Variants in XCR1 observed in about 807,000 individuals in gnomAD.
The protein encoded by XCR1 is X-C motif chemokine receptor 1, also known as chemokine XC receptor 1.
For missense variants in XCR1, 356 were observed against 424.2 expected (o/e 0.84, Z 1.41); for synonymous variants, 187 against 188.5 (o/e 0.99, Z 0.06).
chr3:46,026,930 C>T (rs1280142994), intron 1 of XCR1, among the ~76,000 whole-genome samples: 1 of 150,262 alleles, frequency 6.7e-6, no homozygotes, highest in Non-Finnish European at 1.5e-5. Context: ...CTCGCCCTAT[C>T]ACCCATGCTG....
At chr3:46,081,907 C>T (rs946789734) in intron 1 of XCR1, among the ~76,000 whole-genome samples, 2 of 151,940 alleles carry the variant, frequency 1.3e-5, no homozygotes, top group East Asian at 3.8e-4. Flanking sequence ...TCTTTATGTT[C>T]GTGTGTACCC....
chr3:46,058,086 G>T (rs1352461560), intron 4 of XCR1, among the ~76,000 whole-genome samples: 2 of 152,116 alleles, frequency 1.3e-5, no homozygotes, highest in Non-Finnish European at 2.9e-5. Flanking sequence ...AATGGAAGTG[G>T]TTCTAAAAGA....
At chr3:46,069,475 G>C (rs1559494019) in intron 3 of XCR1, among the ~76,000 whole-genome samples, 1 of 152,092 alleles carries the variant, frequency 6.6e-6, no homozygotes, top group Non-Finnish European at 1.5e-5. Flanking sequence ...CCCTTGTACG[G>C]GGGGGTTAGA....
At chr3:46,023,999 C>T in intron 1 of XCR1, 1 of 1,396,648 alleles carries the variant, frequency 7.2e-7, no homozygotes, top group Non-Finnish European at 1.0e-6. Context: ...CATTCAGAAA[C>T]TGCTACAGCC....
At chr3:46,043,661 T>C (rs549654477) in intron 5 of XCR1, among the ~76,000 whole-genome samples, 1 of 149,434 alleles carries the variant, frequency 6.7e-6, no homozygotes, top group Non-Finnish European at 1.5e-5. Context: ...GGCAGGAGGA[T>C]TGCTTGAGCT....
intron 5 of XCR1, among the ~76,000 whole-genome samples, chr3:46,049,698 A>G (rs1275531756): frequency 6.6e-6 from 1 of 152,242 alleles, no homozygotes; most frequent in Admixed American, 6.5e-5. Flanking sequence ...GTTTTGGTCC[A>G]TAGATAGCTG....
intron 5 of XCR1, among the ~76,000 whole-genome samples, chr3:46,036,133 G>A (rs1042644888): frequency 2.0e-5 from 3 of 152,156 alleles, no homozygotes; most frequent in Admixed American, 6.5e-5. Context: ...GTTTGGAATC[G>A]GAGTTTGCTG....
At chr3:46,052,049 A>C (rs1031392043) in intron 5 of XCR1, among the ~76,000 whole-genome samples, 1 of 152,050 alleles carries the variant, frequency 6.6e-6, no homozygotes, top group Non-Finnish European at 1.5e-5. Flanking sequence ...CAAAAAAAAA[A>C]CTTGAATTTC....
chr3:46,060,483 G>A (rs558025261), intron 4 of XCR1, among the ~76,000 whole-genome samples: 2 of 152,232 alleles, frequency 1.3e-5, no homozygotes, highest in Admixed American at 6.5e-5. Context: ...AACCAACACA[G>A]CACTCCCTTA....
intron 5 of XCR1, among the ~76,000 whole-genome samples, chr3:46,041,638 G>A (rs575549292): frequency 3.9e-5 from 6 of 152,266 alleles, no homozygotes; most frequent in Admixed American, 2.6e-4. Context: ...CCCAGTGATC[G>A]CATAGACAGT....
At chr3:46,079,208 A>G (rs1181569470) in intron 1 of XCR1, among the ~76,000 whole-genome samples, 1 of 152,184 alleles carries the variant, frequency 6.6e-6, no homozygotes, top group Non-Finnish European at 1.5e-5. Context: ...TTTATGTACA[A>G]CACTTATGAG....
chr3:46,044,898 G>A (rs920632456), intron 5 of XCR1, among the ~76,000 whole-genome samples: 21 of 152,208 alleles, frequency 1.4e-4, no homozygotes, highest in Admixed American at 9.8e-4. Flanking sequence ...GTGACAGAGG[G>A]AGACACTACT....
chr3:46,069,580 AG>A (rs1698132684), intron 3 of XCR1, among the ~76,000 whole-genome samples: 1 of 152,192 alleles, frequency 6.6e-6, no homozygotes, highest in South Asian at 2.1e-4. Flanking sequence ...TATTGACCAA[AG>A]CTTTACCATA....
chr3:46,083,043 T>A lies in XCR1; in HGVS notation c.-515+2751A>T, dbSNP rs571832389. Among the ~76,000 whole-genome samples, 6 of 152,362 alleles carry A rather than the reference T, an allele frequency of 3.9e-5. No individual in the cohort carries two copies. The South Asian group carries it at 1.2e-3, about 32-fold the overall frequency. On this transcript the variant is annotated intron_variant, in intron 1 of 5. Coordinates refer to the XCR1 transcript ENST00000683768. The stretch of plus-strand genomic sequence containing the variant: ...AGCAAACCTGTTAATCAGGTCTGCC[T>A]GACTCATCCTAACCTGTTTGTCCTA...
intron 5 of XCR1, among the ~76,000 whole-genome samples, chr3:46,042,064 AAC>A (rs1362068817): frequency 1.3e-5 from 2 of 152,222 alleles, no homozygotes; most frequent in Non-Finnish European, 2.9e-5. Flanking sequence ...GTGTTTCAGT[AAC>A]ACAACTATTA....
In XCR1 at chr3:46,084,771, C is replaced by T. The variant is rs571128534; in HGVS notation, c.-515+1023G>A. On this transcript the variant is annotated intron_variant, in intron 1 of 5. Coordinates refer to the XCR1 transcript ENST00000683768. The stretch of plus-strand genomic sequence containing the variant: ...CACACAAAGACATAAAGACGGAAAC[C>T]GTAGACACTGGGGGCTACTAGAGGG... 8.5e-5 allele frequency among the ~76,000 whole-genome samples: 13 copies of T among 152,238 alleles called. No individual in the cohort carries two copies. The South Asian group carries it at 1.9e-3, about 22-fold the overall frequency.
chr3:46,060,066 T>G (rs529645755), intron 4 of XCR1, among the ~76,000 whole-genome samples: 1 of 152,360 alleles, frequency 6.6e-6, no homozygotes, highest in South Asian at 2.1e-4. Context: ...AATATTTGCT[T>G]AATGCATATC....
intron 1 of XCR1, among the ~76,000 whole-genome samples, chr3:46,080,559 C>G (rs2125904593): frequency 6.6e-6 from 1 of 152,214 alleles, no homozygotes; most frequent in South Asian, 2.1e-4. Context: ...GAGACCCTGT[C>G]TCAAAAACAA....
intron 5 of XCR1, among the ~76,000 whole-genome samples, chr3:46,033,798 G>A (rs2125896174): frequency 6.6e-6 from 1 of 152,104 alleles, no homozygotes; most frequent in African/African-American, 2.4e-5. Context: ...CCTTAAACAT[G>A]GAATATTGCT....
Sources: allele counts gnomAD v4.1 joint callset (sites outside exome capture counted in the v4.1 genomes callset), GRCh38; gene constraint gnomAD v4.1.1; transcripts MANE v1.5; gene names NCBI Gene and HGNC (gene_info 2026-07-23, HGNC 2026-07-21).